The following LRRTM4 variants were observed in gnomAD, a reference collection of about 807,000 sequenced individuals.
LRRTM4 encodes leucine rich repeat transmembrane neuronal 4.
A neutral mutation model predicts 47.6 loss-of-function variants in LRRTM4; 25 were observed. The observed-to-expected ratio is 0.53, with a 90% confidence interval of 0.38 to 0.73. LRRTM4 has a LOEUF of 0.73. Ranked by LOEUF, LRRTM4 falls within the 30% of genes least tolerant of loss-of-function variation. The probability of loss-of-function intolerance (pLI) is 0.00; values close to 1 mark genes in which losing one functional copy is unlikely to be tolerated. For missense variants in LRRTM4, 638 were observed against 713.4 expected (o/e 0.89, Z 1.20); for synonymous variants, 311 against 269.5 (o/e 1.15, Z -1.51).
intron 3 of LRRTM4, among the ~76,000 whole-genome samples, chr2:77,278,118 A>G (rs1676411352): frequency 6.6e-6 from 1 of 151,960 alleles, no homozygotes; most frequent in South Asian, 2.1e-4. Flanking sequence ...TAAACTTATA[A>G]TTAGAAGTCC....
At chr2:77,445,746 A>G (rs927555361) in intron 3 of LRRTM4, among the ~76,000 whole-genome samples, 1 of 152,074 alleles carries the variant, frequency 6.6e-6, no homozygotes, top group African/African-American at 2.4e-5. Context: ...ATAAATAGTT[A>G]CCATTTTCCA....
intron 3 of LRRTM4, among the ~76,000 whole-genome samples, chr2:77,192,684 G>A (rs1673704035): frequency 6.6e-6 from 1 of 151,978 alleles, no homozygotes; most frequent in Admixed American, 6.6e-5. Context: ...TAGTAGTTTT[G>A]TATCTTATCT....
chr2:77,158,670 G>C (rs149444256), intron 3 of LRRTM4, among the ~76,000 whole-genome samples: 34 of 151,790 alleles, frequency 2.2e-4, no homozygotes, highest in African/African-American at 8.0e-4. Flanking sequence ...ATATTTTGTT[G>C]TTTTACATAC....
At chr2:76,932,310 C>T (rs918507813) in intron 3 of LRRTM4, among the ~76,000 whole-genome samples, 6 of 152,114 alleles carry the variant, frequency 3.9e-5, no homozygotes, top group African/African-American at 1.4e-4. Flanking sequence ...GTGATCAAAG[C>T]ACCAAGTATG....
chr2:76,968,824 T>C (rs1188111276), intron 3 of LRRTM4, among the ~76,000 whole-genome samples: 1 of 151,876 alleles, frequency 6.6e-6, no homozygotes, highest in African/African-American at 2.4e-5. Flanking sequence ...GCATTTAAAG[T>C]GGATCCCCCT....
intron 3 of LRRTM4, among the ~76,000 whole-genome samples, chr2:76,976,711 A>T (rs1187190661): frequency 6.6e-6 from 1 of 151,836 alleles, no homozygotes; most frequent in African/African-American, 2.4e-5. Context: ...CCGTGGAAAA[A>T]GGTTGGTTAA....
intron 3 of LRRTM4, among the ~76,000 whole-genome samples, chr2:77,305,435 G>T (rs1197062511): frequency 6.6e-6 from 1 of 152,006 alleles, no homozygotes; most frequent in Non-Finnish European, 1.5e-5. Flanking sequence ...CTAAAAAGTT[G>T]ATTATACAAA....
intron 3 of LRRTM4, among the ~76,000 whole-genome samples, chr2:77,172,304 A>C (rs150482339): frequency 3.7e-4 from 57 of 152,310 alleles, no homozygotes; most frequent in African/African-American, 1.3e-3. Context: ...ATTCATTTAA[A>C]GGGCTAAACT....
intron 3 of LRRTM4, among the ~76,000 whole-genome samples, chr2:77,211,580 T>C (rs1248556819): frequency 2.0e-5 from 3 of 152,134 alleles, no homozygotes; most frequent in Non-Finnish European, 2.9e-5. Flanking sequence ...TAAGAGTATA[T>C]ATTTCTTGCT....
chr2:77,056,042 G>T (rs1375802451), intron 3 of LRRTM4, among the ~76,000 whole-genome samples: 10 of 121,466 alleles, frequency 8.2e-5, no homozygotes, highest in African/African-American at 2.5e-4. Context: ...GACTGTTGTG[G>T]GGTGGGGGGA....
At chr2:76,839,927 C>A (rs913250712) in intron 3 of LRRTM4, among the ~76,000 whole-genome samples, 2 of 151,988 alleles carry the variant, frequency 1.3e-5, no homozygotes, top group Non-Finnish European at 2.9e-5. Flanking sequence ...TTCTGGAATT[C>A]TTTTGTTCAC....
intron 3 of LRRTM4, among the ~76,000 whole-genome samples, chr2:76,899,837 G>C (rs1573280003): frequency 6.6e-6 from 1 of 152,120 alleles, no homozygotes; most frequent in Non-Finnish European, 1.5e-5. Context: ...GCTAGAACAA[G>C]TTCTTTGTTC....
chr2:77,168,314 G>A (rs1053002580), intron 3 of LRRTM4, among the ~76,000 whole-genome samples: 20 of 151,400 alleles, frequency 1.3e-4, no homozygotes, highest in Non-Finnish European at 2.2e-4. Context: ...CCTGTATATT[G>A]GGTAATTTTT....
intron 3 of LRRTM4, among the ~76,000 whole-genome samples, chr2:77,326,889 T>C (rs1296395618): frequency 6.6e-6 from 1 of 152,196 alleles, no homozygotes; most frequent in Non-Finnish European, 1.5e-5. Flanking sequence ...AGACCATCAC[T>C]TGACAAAATT....
chr2:77,517,374 C>A, intron 3 of LRRTM4: 5 of 981,722 alleles, frequency 5.1e-6, no homozygotes, highest in Non-Finnish European at 6.0e-6. Flanking sequence ...ATATTTGTAT[C>A]ACTTATTTTT....
chr2:76,985,906 A>C (rs1336031583), intron 3 of LRRTM4: 1 of 151,968 alleles, frequency 6.6e-6, no homozygotes, highest in Non-Finnish European at 1.5e-5. Flanking sequence ...TAACATTCTT[A>C]CTTAGAGATT....
chr2:77,183,967 GAT>G (rs1229632229), intron 3 of LRRTM4, among the ~76,000 whole-genome samples: 1 of 152,062 alleles, frequency 6.6e-6, no homozygotes, highest in Non-Finnish European at 1.5e-5. Flanking sequence ...AGAATTAGGA[GAT>G]ATACCTAATG....
intron 3 of LRRTM4, chr2:77,517,487 A>C (rs1301801983): frequency 1.0e-6 from 1 of 985,226 alleles, no homozygotes; most frequent in African/African-American, 1.7e-5. Flanking sequence ...TAAATCATCC[A>C]CAAAATTGTG....
At chr2:77,477,908 A>AAAGAAAG (rs1157713732) in intron 3 of LRRTM4, among the ~76,000 whole-genome samples, 7 of 7,076 alleles carry the variant, frequency 9.9e-4, no homozygotes, top group African/African-American at 3.4e-3. Context: ...AAAGAAAAAG[A>AAAGAAAG]AAGAAAGAAA....
Sources: gnomAD v4.1 joint callset for allele counts (sites outside exome capture counted in the v4.1 genomes callset) on GRCh38, gnomAD v4.1.1 for gene constraint, MANE v1.5 for transcripts, NCBI Gene and HGNC (gene_info 2026-07-23, HGNC 2026-07-21) for gene names.